BTG4: variants seen among roughly 807,000 people sequenced by gnomAD.
The protein encoded by BTG4 is protein BTG4.
In BTG4, 10 loss-of-function variants were observed where a neutral mutation model predicts 19.3. The ratio of observed to expected loss-of-function variants is 0.52; its 90% confidence interval spans 0.32 to 0.88. The LOEUF is 0.88. Ranked by LOEUF, BTG4 falls within the 40% of genes least tolerant of loss-of-function variation. BTG4 has a pLI of 0.04. For synonymous variants in BTG4, 91 were observed against 95.7 expected (o/e 0.95, Z 0.29); for missense variants, 238 against 281.9 (o/e 0.84, Z 1.11).
chr11:111,460,419 A>G, the BTG4 span: 1 of 152,696 alleles, frequency 6.5e-6, no homozygotes, highest in Admixed American at 6.5e-5. Flanking sequence ...TCATTCACTC[A>G]GCAACTACAT....
intron 5 of BTG4, among the ~76,000 whole-genome samples, chr11:111,483,704 G>A (rs1370815137): frequency 3.3e-5 from 5 of 152,004 alleles, no homozygotes; most frequent in Non-Finnish European, 7.4e-5. Flanking sequence ...GAATAAAAAA[G>A]AAGCACACCT....
chr11:111,495,468 T>C lies in BTG4; in HGVS notation c.511-154A>G, dbSNP rs906165349. Among the ~76,000 whole-genome samples the C allele has an allele frequency of 7.2e-5, 11 of 152,332 alleles. No individual in the cohort carries two copies. In the South Asian group the frequency reaches 8.3e-4, roughly 11 times the overall value. On this transcript the variant is annotated intron_variant, in intron 4 of 4. Coordinates refer to ENST00000692032, the MANE Select transcript of BTG4 (RefSeq NM_001367975.1). ...ATCTTTGAAAAAAATTTCTAGCACTTGGCGGGAACATAAATCACTTTATAC... is the reference window on the plus strand; with the variant it reads ...ATCTTTGAAAAAAATTTCTAGCACTCGGCGGGAACATAAATCACTTTATAC...
At chr11:111,472,887 T>C (rs1422486113) in intron 5 of BTG4, among the ~76,000 whole-genome samples, 1 of 152,166 alleles carries the variant, frequency 6.6e-6, no homozygotes, top group Non-Finnish European at 1.5e-5. Flanking sequence ...TGATGCAATA[T>C]ACTGAAACCA....
chr11:111,429,332 C>T, the BTG4 span, among the ~76,000 whole-genome samples: 1 of 152,052 alleles, frequency 6.6e-6, no homozygotes, highest in African/African-American at 2.4e-5. Context: ...AACTGAGAGG[C>T]AATAAATGGG....
At chr11:111,432,402 G>A in the BTG4 span, among the ~76,000 whole-genome samples, 570 of 152,308 alleles carry the variant, frequency 3.7e-3, 5 homozygotes, top group African/African-American at 0.013. Flanking sequence ...CCAACACTTT[G>A]GGAAGTCGAG....
the BTG4 span, among the ~76,000 whole-genome samples, chr11:111,441,907 A>T: frequency 6.6e-6 from 1 of 151,772 alleles, no homozygotes; most frequent in Non-Finnish European, 1.5e-5. Flanking sequence ...AAAAATACAA[A>T]AATTAGCCAG....
At chr11:111,397,442 T>TCTCTACTCCAGGCCTTCA in the BTG4 span, 1 of 152,292 alleles carries the variant, frequency 6.6e-6, no homozygotes, top group African/African-American at 2.4e-5. Flanking sequence ...CCAGGGTTTC[T>TCTCTACTCCAGGCCTTCA]CTCTACTCCA....
the BTG4 span, among the ~76,000 whole-genome samples, chr11:111,427,935 C>T: frequency 6.6e-6 from 1 of 152,272 alleles, no homozygotes; most frequent in African/African-American, 2.4e-5. Flanking sequence ...GAACATTAGA[C>T]TGAGGACACA....
chr11:111,503,070 G>A (rs1246943882), intron 1 of BTG4, among the ~76,000 whole-genome samples: 2 of 152,058 alleles, frequency 1.3e-5, no homozygotes, highest in African/African-American at 4.8e-5. Context: ...AGTGGGGCTG[G>A]GGGTAAAAAC....
At chr11:111,471,475 C>T (rs896437684) in intron 5 of BTG4, among the ~76,000 whole-genome samples, 1 of 152,124 alleles carries the variant, frequency 6.6e-6, no homozygotes, top group Non-Finnish European at 1.5e-5. Context: ...CCATATTCTC[C>T]TCCTTGACAT....
chr11:111,431,149 G>A, the BTG4 span, among the ~76,000 whole-genome samples: 4 of 152,208 alleles, frequency 2.6e-5, no homozygotes, highest in Admixed American at 2.6e-4. Flanking sequence ...GGCAGTAAAG[G>A]AGGGCTATAT....
the BTG4 span, among the ~76,000 whole-genome samples, chr11:111,441,920 A>G: frequency 2.6e-5 from 4 of 151,842 alleles, no homozygotes; most frequent in Non-Finnish European, 5.9e-5. Flanking sequence ...TTAGCCAGGC[A>G]TGGTGGTGCA....
the BTG4 span, among the ~76,000 whole-genome samples, chr11:111,429,193 T>C: frequency 6.6e-6 from 1 of 152,088 alleles, no homozygotes; most frequent in Admixed American, 6.6e-5. Context: ...AAACAGTTAC[T>C]CACAAAAACC....
At chr11:111,488,817 T>G (rs1432190502) in intron 5 of BTG4, among the ~76,000 whole-genome samples, 1 of 152,152 alleles carries the variant, frequency 6.6e-6, no homozygotes, top group Non-Finnish European at 1.5e-5. Flanking sequence ...TGTTTTTATT[T>G]GGCTCAGAAG....
intron 5 of BTG4, among the ~76,000 whole-genome samples, chr11:111,471,410 A>G (rs1044888039): frequency 2.0e-5 from 3 of 152,204 alleles, no homozygotes; most frequent in African/African-American, 7.2e-5. Context: ...CCCACAAATC[A>G]CAGAGAACAG....
At chr11:111,471,944 G>A (rs960973538) in intron 5 of BTG4, among the ~76,000 whole-genome samples, 1 of 152,160 alleles carries the variant, frequency 6.6e-6, no homozygotes, top group Non-Finnish European at 1.5e-5. Flanking sequence ...AATCCATCAG[G>A]AAATCCTGTT....
At chr11:111,489,363 G>GA (rs1865273596) in intron 5 of BTG4, among the ~76,000 whole-genome samples, 1 of 152,180 alleles carries the variant, frequency 6.6e-6, no homozygotes, top group Admixed American at 6.5e-5. Context: ...CCACTATGGA[G>GA]AACAGTATGG....
chr11:111,469,936 C>T (rs975503551), intron 5 of BTG4: 8 of 152,658 alleles, frequency 5.2e-5, no homozygotes, highest in African/African-American at 1.9e-4. Context: ...TGTCTAAACT[C>T]ATTGAAATGA....
At chr11:111,486,870 A>T (rs950148074) in intron 5 of BTG4, among the ~76,000 whole-genome samples, 5 of 152,198 alleles carry the variant, frequency 3.3e-5, no homozygotes, top group Non-Finnish European at 7.3e-5. Flanking sequence ...CAGGTTTGTT[A>T]TATAGGTAAA....
Sources: allele counts gnomAD v4.1 joint callset (sites outside exome capture counted in the v4.1 genomes callset), GRCh38; gene constraint gnomAD v4.1.1; transcripts MANE v1.5; gene names NCBI Gene and HGNC (gene_info 2026-07-23, HGNC 2026-07-21).